Variants in P3H2 observed in about 807,000 individuals in gnomAD.
The protein encoded by P3H2 is leprecan-like 1.
P3H2 carries 80 observed loss-of-function variants against 87.0 expected under a neutral mutation model. That is an observed-to-expected ratio of 0.92 (90% confidence interval 0.77 to 1.11). The LOEUF is 1.11. Among genes scored for constraint, P3H2 ranks in the 50% least tolerant of loss-of-function variants. The probability of loss-of-function intolerance (pLI) is 0.00; values close to 1 mark genes in which losing one functional copy is unlikely to be tolerated. For missense variants in P3H2, 1,001 were observed against 923.9 expected, an observed-to-expected ratio of 1.08 and a Z score of -1.08; for synonymous variants, 367 against 359.3, an observed-to-expected ratio of 1.02 and a Z score of -0.24.
intron 8 of P3H2, among the ~76,000 whole-genome samples, chr3:189,979,236 C>T (rs1723448658): frequency 6.6e-6 from 1 of 150,804 alleles, no homozygotes; most frequent in Non-Finnish European, 1.5e-5. Flanking sequence ...CCAGCCTGGG[C>T]AACACAGTGA....
At chr3:190,059,022 T>G (rs1057200466) in intron 1 of P3H2, among the ~76,000 whole-genome samples, 6 of 152,150 alleles carry the variant, frequency 3.9e-5, no homozygotes, top group African/African-American at 1.4e-4. Context: ...GCTTTGCTGA[T>G]CCCCTTTCTC....
At chr3:189,978,103 G>T (rs1577250882) in intron 8 of P3H2, among the ~76,000 whole-genome samples, 1 of 152,066 alleles carries the variant, frequency 6.6e-6, no homozygotes, top group South Asian at 2.1e-4. Flanking sequence ...CAAGAAGAAA[G>T]ATAAGATACT....
In P3H2 at chr3:190,120,304, C is replaced by T. The variant is rs1212280385; in HGVS notation, c.428G>A (p.Ser143Asn). 15 of 1,609,250 alleles carry T rather than the reference C, an allele frequency of 9.3e-6. No individual in the cohort carries two copies. In the South Asian group the frequency reaches 1.7e-4, roughly 18 times the overall value. The change falls in exon 1 of 15, where the codon AGC becomes AAC. Residue 143 changes from serine to asparagine, a missense_variant. Coordinates refer to ENST00000319332, the MANE Select transcript of P3H2 (RefSeq NM_018192.4). The stretch of plus-strand genomic sequence containing the variant: ...GTAGGGCACTCTGCGCTGGAAGTCG[C>T]TGCGCACATCCTCGCTGACGCGGTG... Reference protein sequence around the residue: ...SRHRVSEDVRSDFQRRVPYNY... With the variant: ...SRHRVSEDVRNDFQRRVPYNY...
At chr3:190,057,862 G>A (rs1161033974) in intron 1 of P3H2, among the ~76,000 whole-genome samples, 3 of 152,136 alleles carry the variant, frequency 2.0e-5, no homozygotes, top group Non-Finnish European at 4.4e-5. Flanking sequence ...AGGAAGATGG[G>A]TGAGTTCTTG....
intron 1 of P3H2, among the ~76,000 whole-genome samples, chr3:190,016,173 A>T (rs899775459): frequency 6.6e-6 from 1 of 152,194 alleles, no homozygotes; most frequent in African/African-American, 2.4e-5. Context: ...GATAAATCCT[A>T]ATTTGTTTTA....
chr3:189,965,380 A>T (rs1722944198), intron 13 of P3H2, among the ~76,000 whole-genome samples: 1 of 151,984 alleles, frequency 6.6e-6, no homozygotes, highest in Non-Finnish European at 1.5e-5. Flanking sequence ...GTGTGTGTTT[A>T]TGTCTGTGTG....
chr3:190,006,151 T>G (rs1219936415), intron 1 of P3H2, among the ~76,000 whole-genome samples: 3 of 152,220 alleles, frequency 2.0e-5, no homozygotes, highest in Non-Finnish European at 4.4e-5. Flanking sequence ...GAGATCTACT[T>G]ACTGACTAAA....
At chr3:189,978,516 A>G (rs980712311) in intron 8 of P3H2, among the ~76,000 whole-genome samples, 4 of 152,208 alleles carry the variant, frequency 2.6e-5, no homozygotes, top group African/African-American at 9.6e-5. Flanking sequence ...GTGAAGGAAG[A>G]ATGTAACATG....
intron 8 of P3H2, 82 bp from the exon 9 acceptor site, chr3:189,974,767 G>T: frequency 1.3e-6 from 2 of 1,536,980 alleles, no homozygotes; most frequent in East Asian, 4.5e-5. Context: ...CTTTCAATGT[G>T]CAATTCGAGT....
chr3:189,964,072 G>A lies in P3H2; in HGVS notation c.1920C>T (p.Arg640=), dbSNP rs961088120. The change falls in exon 14 of 15, where the codon CGC becomes CGT. Residue 640 remains arginine (R), a synonymous_variant. Coordinates refer to ENST00000319332, the MANE Select transcript of P3H2 (RefSeq NM_018192.4). ...VTASIKPKCG[R]MISFSSGGEN... is the part of the protein sequence containing the mutation. ...CTCCTCCAGATGAGAAGCTGATCATGCGCCCACATTTTGGTTTTATAGAGG... is the reference window on the plus strand; with the variant it reads ...CTCCTCCAGATGAGAAGCTGATCATACGCCCACATTTTGGTTTTATAGAGG... 16 of 1,614,036 alleles carry A rather than the reference G, an allele frequency of 9.9e-6. No homozygotes were observed. The East Asian group carries it at 3.3e-4, about 34-fold the overall frequency.
At chr3:190,066,655 A>C (rs576670493) in intron 1 of P3H2, among the ~76,000 whole-genome samples, 1 of 152,292 alleles carries the variant, frequency 6.6e-6, no homozygotes, top group South Asian at 2.1e-4. Context: ...AATGGAAAAA[A>C]GAATGCAATA....
chr3:190,121,372 G>GA (rs962514469), upstream of P3H2, among the ~76,000 whole-genome samples: 43 of 151,462 alleles, frequency 2.8e-4, no homozygotes, highest in Admixed American at 1.8e-3. Context: ...TAAATAAATA[G>GA]AAAAAAAACC....
At chr3:189,982,734 C>A (rs1723574938) in intron 8 of P3H2, among the ~76,000 whole-genome samples, 1 of 152,152 alleles carries the variant, frequency 6.6e-6, no homozygotes, top group South Asian at 2.1e-4. Flanking sequence ...CAGAAGTAAA[C>A]CATAGGAAAT....
chr3:190,048,848 G>T (rs1488251671), intron 1 of P3H2, among the ~76,000 whole-genome samples: 2 of 152,142 alleles, frequency 1.3e-5, no homozygotes, highest in African/African-American at 4.8e-5. Flanking sequence ...AGACAGGAAA[G>T]GGACTCTCCT....
chr3:190,072,820 G>A (rs1170768687), intron 1 of P3H2, among the ~76,000 whole-genome samples: 1 of 152,096 alleles, frequency 6.6e-6, no homozygotes, highest in Non-Finnish European at 1.5e-5. Flanking sequence ...ATGTTATACT[G>A]GAAAATGTTA....
At chr3:190,001,162 A>G (rs901488375) in intron 1 of P3H2, among the ~76,000 whole-genome samples, 3 of 152,220 alleles carry the variant, frequency 2.0e-5, no homozygotes, top group African/African-American at 7.2e-5. Context: ...TGTGGAAAAT[A>G]TGTAAGTTCC....
chr3:190,003,946 G>T (rs1250267767), intron 1 of P3H2, among the ~76,000 whole-genome samples: 1 of 152,196 alleles, frequency 6.6e-6, no homozygotes, highest in Non-Finnish European at 1.5e-5. Flanking sequence ...TCTGAAGGTA[G>T]TTGTCATTAA....
Position 189,989,038 on chromosome 3 carries a change from T to C in P3H2, c.824A>G (p.Asp275Gly). The C allele has an allele frequency of 6.2e-7, 1 of 1,614,094 alleles. No homozygotes were observed. The highest frequency in any genetic ancestry group is 1.7e-5 in the Admixed American group (1 of 60,008). ...YKAGLYEAIA[D>G]HYMQVLVCQH... is the part of the protein sequence containing the mutation. ...ACAAACAAGCACCTGCATGTAGTGA[T>C]CTGGAAGACAAGAGCCAATACGTGT... Residue 275 changes from aspartate to glycine, a missense_variant and splice_region_variant, in exon 4 of 15, where the codon GAT (aspartate) becomes GGT (glycine). By Grantham distance (94) the Asp-to-Gly change is moderately conservative. Transcript: ENST00000319332.
intron 1 of P3H2, among the ~76,000 whole-genome samples, chr3:190,075,977 A>T (rs1437850541): frequency 6.6e-6 from 1 of 152,130 alleles, no homozygotes; most frequent in Non-Finnish European, 1.5e-5. Context: ...CCTCCAGGAA[A>T]TTTGAGCATG....
Sources: allele counts gnomAD v4.1 joint callset (sites outside exome capture counted in the v4.1 genomes callset), GRCh38; gene constraint gnomAD v4.1.1; transcripts MANE v1.5; gene names NCBI Gene and HGNC (gene_info 2026-07-23, HGNC 2026-07-21).